Variants in AHCTF1 observed in about 807,000 individuals in gnomAD.
The protein encoded by AHCTF1 is AT-hook containing transcription factor 1.
A neutral mutation model predicts 248.4 loss-of-function variants in AHCTF1; 24 were observed. The observed-to-expected ratio is 0.10, with a 90% CI of 0.07 to 0.14. AHCTF1 has a LOEUF of 0.14. Ranked by LOEUF, AHCTF1 falls within the 10% of genes least tolerant of loss-of-function variation. The pLI is 1.00. For synonymous variants in AHCTF1, 786 were observed against 929.8 expected (o/e 0.85, Z 2.81); for missense variants, 2,206 against 2,636.2 (o/e 0.84, Z 3.57).
intron 1 of AHCTF1, among the ~76,000 whole-genome samples, chr1:246,928,910 T>G (rs1381059868): frequency 3.3e-5 from 5 of 152,198 alleles, no homozygotes; most frequent in Non-Finnish European, 7.4e-5. Flanking sequence ...CATTTTAAAA[T>G]CACAAACTAC....
chr1:246,927,822 G>A (rs942987986), intron 1 of AHCTF1, among the ~76,000 whole-genome samples: 3 of 152,056 alleles, frequency 2.0e-5, no homozygotes, highest in Non-Finnish European at 4.4e-5. Context: ...GGCCAACATG[G>A]TGAAACCCTG....
At chr1:246,929,819 C>A (rs765388200) in intron 1 of AHCTF1, among the ~76,000 whole-genome samples, 3 of 152,184 alleles carry the variant, frequency 2.0e-5, no homozygotes, top group African/African-American at 7.2e-5. Context: ...TCTGGGAGGC[C>A]AAGGCGGGCG....
At chr1:246,910,150 G>A (rs912839423) in intron 4 of AHCTF1, among the ~76,000 whole-genome samples, 9 of 152,180 alleles carry the variant, frequency 5.9e-5, no homozygotes, top group African/African-American at 1.9e-4. Flanking sequence ...TTAATTTGCA[G>A]AAAATCGAAA....
chr1:246,896,435 C>T lies in AHCTF1; in HGVS notation c.1624-510G>A, dbSNP rs376798744. 4.6e-5 allele frequency among the ~76,000 whole-genome samples: 7 copies of T among 152,120 alleles called. No homozygotes were observed. The South Asian group carries it at 1.0e-3, about 22-fold the overall frequency. ...AATACAGATGAACCTTGAAAACATG[C>T]TAAATGAGACAGTCACAAAAGACTT... On this transcript the variant is annotated intron_variant, in intron 12 of 35. Coordinates refer to ENST00000648844, the MANE Select transcript of AHCTF1 (RefSeq NM_001323342.2).
At chr1:246,902,091 G>A (rs976909801) in intron 8 of AHCTF1, among the ~76,000 whole-genome samples, 1 of 152,170 alleles carries the variant, frequency 6.6e-6, no homozygotes, top group Non-Finnish European at 1.5e-5. Context: ...CATCACTAGT[G>A]ATAGGGCTGG....
chr1:246,840,916 C>G lies in AHCTF1; in HGVS notation c.6691G>C (p.Val2231Leu). 1 of 1,613,300 alleles carries G rather than the reference C, an allele frequency of 6.2e-7. No individual in the cohort carries two copies. The highest frequency in any genetic ancestry group is 8.5e-7 in the Non-Finnish European group (1 of 1,179,624). ...ISPLASPADG[V>L]KSKPRKTTEV... The stretch of plus-strand genomic sequence containing the variant: ...GTAGTTTTTCTTGGTTTGCTCTTGA[C>G]TCCGTCAGCTGGGCTAGCCAAGGGG... The change falls in exon 36 of 36, where the codon GTC becomes CTC. Residue 2231 changes from valine to leucine, a missense_variant. By Grantham distance (32) the Val-to-Leu change is conservative. This residue lies in a region of AHCTF1 where 469 missense variants were observed against 470.0 expected (regional missense o/e 1.00). Coordinates refer to ENST00000648844, the MANE Select transcript of AHCTF1 (RefSeq NM_001323342.2).
At chr1:246,922,961 C>T (rs141764038) in intron 1 of AHCTF1, among the ~76,000 whole-genome samples, 9,113 of 118,566 alleles carry the variant, frequency 0.077, 347 homozygotes, top group African/African-American at 0.11. Flanking sequence ...CTAGCCTGGG[C>T]GACAGAGCGA....
In AHCTF1 at chr1:246,876,139, T is replaced by G; in HGVS notation, c.2986A>C (p.Ile996Leu). Residue 996 changes from isoleucine (I) to leucine (L), a missense_variant, in exon 24 of 36, where the codon ATA becomes CTA. Around this residue, in one of 6 missense-constraint regions of AHCTF1, gnomAD observed 955 missense variants for 1,055.6 expected, o/e 0.90. Transcript: ENST00000648844. ...LRERSLARNSILDQYGKILPR... is the reference protein window; with the variant it reads ...LRERSLARNSLLDQYGKILPR... ...AGGATTTTTCCATACTGGTCTAATA[T>G]AGAATTTCGAGCCAGTGATCTCTCC... 1.2e-6 allele frequency: 2 copies of G among 1,606,030 alleles called. No individual in the cohort carries two copies. The highest frequency in any genetic ancestry group is 1.7e-6 in the Non-Finnish European group (2 of 1,176,368).
At chr1:246,858,886 C>T (rs13375572) in intron 29 of AHCTF1, among the ~76,000 whole-genome samples, 2 of 151,864 alleles carry the variant, frequency 1.3e-5, no homozygotes, top group African/African-American at 4.8e-5. Flanking sequence ...TATGAACATT[C>T]TTTTAACAGC....
chr1:246,903,824 C>G (rs1402103273), intron 7 of AHCTF1, 125 bp downstream of exon 7: 6 of 748,632 alleles, frequency 8.0e-6, no homozygotes, highest in African/African-American at 2.1e-5. Context: ...GGCGACAGAG[C>G]GAGACTCTGT....
intron 26 of AHCTF1, among the ~76,000 whole-genome samples, chr1:246,865,812 G>A (rs1328038615): frequency 6.6e-6 from 1 of 151,968 alleles, no homozygotes; most frequent in African/African-American, 2.4e-5. Flanking sequence ...TATTGCATTA[G>A]GTCTCAGGTC....
rs749318042 is a variant in AHCTF1 at position 246,851,092 on chromosome 1, A to C, written c.4914T>G (p.Ile1638Met). 1 of 1,613,918 alleles carries C rather than the reference A, an allele frequency of 6.2e-7. No individual in the cohort carries two copies. The highest frequency in any genetic ancestry group is 1.1e-5 in the South Asian group (1 of 91,072). The change falls in exon 33 of 36, where the codon ATT becomes ATG. Residue 1638 changes from isoleucine (I) to methionine (M), a missense_variant. Coordinates refer to ENST00000648844, the MANE Select transcript of AHCTF1 (RefSeq NM_001323342.2). ...CSGENDNHGQ[I>M]ANLPSAVTSD... ...TAGTTACGGCAGATGGCAAATTTGC[A>C]ATTTGTCCATGATTATCATTTTCCC...
In AHCTF1 at chr1:246,882,440, CATAG is replaced by C. The variant is rs559525845; in HGVS notation, c.2660+3049_2660+3052del. On this transcript the variant is annotated intron_variant, in intron 21 of 35. Coordinates refer to ENST00000648844, the MANE Select transcript of AHCTF1 (RefSeq NM_001323342.2). ...TATTTGTAAATTAAAACTTCTAAAT[CATAG>C]ATAGGGAAAATAAACAACCGTAATG... Among the ~76,000 whole-genome samples, 64 of 152,242 alleles carry C rather than the reference CATAG, an allele frequency of 4.2e-4. 1 individual carries two copies. In the East Asian group the frequency reaches 0.01, roughly 25 times the overall value.
At chr1:246,847,154 T>C (rs1341958251) in intron 33 of AHCTF1, among the ~76,000 whole-genome samples, 1 of 151,800 alleles carries the variant, frequency 6.6e-6, no homozygotes, top group Non-Finnish European at 1.5e-5. Flanking sequence ...CCAGGCGTGG[T>C]GGCAAGCACC....
At chr1:246,899,302 T>C (rs886232650) in intron 11 of AHCTF1, 149 bp downstream of exon 11, 4 of 561,220 alleles carry the variant, frequency 7.1e-6, no homozygotes, top group Non-Finnish European at 1.2e-5. Flanking sequence ...TAACTGATAC[T>C]ACTAGTTGAT....
intron 26 of AHCTF1, among the ~76,000 whole-genome samples, chr1:246,864,501 C>CAA (rs1401958932): frequency 6.6e-6 from 1 of 152,084 alleles, no homozygotes; most frequent in Non-Finnish European, 1.5e-5. Context: ...CATTAACATG[C>CAA]AAAATATCCA....
chr1:246,925,209 T>A (rs1293352263), intron 1 of AHCTF1, among the ~76,000 whole-genome samples: 4 of 152,202 alleles, frequency 2.6e-5, no homozygotes, highest in African/African-American at 7.2e-5. Context: ...CAAAGTGTAT[T>A]CAGAAGAGTG....
chr1:246,884,346 T>C (rs1663662117), intron 21 of AHCTF1, among the ~76,000 whole-genome samples: 1 of 152,174 alleles, frequency 6.6e-6, no homozygotes, highest in African/African-American at 2.4e-5. Context: ...CTGCCTGAAA[T>C]TTGTAGATCT....
At chr1:246,852,943 C>CACTT in intron 32 of AHCTF1, 148 bp downstream of exon 32, 1 of 615,278 alleles carries the variant, frequency 1.6e-6, no homozygotes, top group Non-Finnish European at 2.8e-6. Flanking sequence ...AAGATTTATA[C>CACTT]ACTTATTTTT....
Sources: gnomAD v4.1 joint callset for allele counts (sites outside exome capture counted in the v4.1 genomes callset) on GRCh38, gnomAD v4.1.1 for gene constraint, gnomAD v4.1.1 regional missense constraint, MANE v1.5 for transcripts, NCBI Gene and HGNC (gene_info 2026-07-23, HGNC 2026-07-21) for gene names.